Variants in WWOX observed in about 807,000 individuals in gnomAD.
WWOX encodes the protein WW domain-containing oxidoreductase.
In WWOX, 69 loss-of-function variants were observed where a neutral mutation model predicts 46.2. That is an observed-to-expected ratio of 1.49 (90% confidence interval 1.23 to 1.82). WWOX has a LOEUF of 1.82. Among genes scored for constraint, WWOX ranks in the 40% most tolerant of loss-of-function variants. The pLI is 0.00. For missense variants in WWOX, 919 were observed against 542.6 expected, an observed-to-expected ratio of 1.69 and a Z score of -6.89; for synonymous variants, 359 against 202.6, an observed-to-expected ratio of 1.77 and a Z score of -6.56.
chr16:79,192,091 G>A (rs943364001), intron 8 of WWOX, among the ~76,000 whole-genome samples: 6 of 152,178 alleles, frequency 3.9e-5, no homozygotes, highest in Admixed American at 2.6e-4. Flanking sequence ...TAGTCATAGG[G>A]TATTTCCAGA....
chr16:78,101,146 C>T (rs2031751626), intron 1 of WWOX, among the ~76,000 whole-genome samples: 1 of 151,222 alleles, frequency 6.6e-6, no homozygotes, highest in Non-Finnish European at 1.5e-5. Context: ...CTCCCGGGTT[C>T]ACGCCATTCT....
intron 8 of WWOX, among the ~76,000 whole-genome samples, chr16:79,144,566 A>T (rs770625538): frequency 3.3e-5 from 5 of 152,178 alleles, no homozygotes; most frequent in African/African-American, 1.2e-4. Context: ...GCACTAAGCT[A>T]TTGAATTTTG....
At chr16:78,406,310 ATATATATATATATATATAT>A (rs2082535806) in intron 6 of WWOX, among the ~76,000 whole-genome samples, 29 of 33,454 alleles carry the variant, frequency 8.7e-4, no homozygotes, top group African/African-American at 5.5e-3. Context: ...ATAAATATAT[ATATATATATATATATATAT>A]ATATATATAT....
At chr16:78,802,354 G>C (rs1308193318) in intron 8 of WWOX, among the ~76,000 whole-genome samples, 1 of 151,998 alleles carries the variant, frequency 6.6e-6, no homozygotes, top group African/African-American at 2.4e-5. Flanking sequence ...CAGAGAGAAA[G>C]AGGGTAGGTC....
chr16:78,518,056 C>T (rs16947895), intron 8 of WWOX, among the ~76,000 whole-genome samples: 7,246 of 151,822 alleles, frequency 0.048, 584 homozygotes, highest in African/African-American at 0.16. Context: ...TAATTAGATG[C>T]TTGGAGCTTC....
intron 8 of WWOX, among the ~76,000 whole-genome samples, chr16:78,587,479 G>C (rs113665556): frequency 6.6e-6 from 1 of 152,046 alleles, no homozygotes; most frequent in South Asian, 2.1e-4. Flanking sequence ...GATTCCAAAC[G>C]TGCATGAATC....
intron 8 of WWOX, among the ~76,000 whole-genome samples, chr16:78,448,653 A>T (rs2083615907): frequency 6.6e-6 from 1 of 152,168 alleles, no homozygotes; most frequent in African/African-American, 2.4e-5. Flanking sequence ...CTTCTCCACT[A>T]ATGAGGGGTG....
In WWOX at chr16:78,255,429, C is replaced by T. The variant is rs118049330; in HGVS notation, c.516+91140C>T. Among the ~76,000 whole-genome samples the T allele has an allele frequency of 2.8e-3, 419 of 152,314 alleles. 10 individuals are homozygous for T. In the East Asian group the frequency reaches 0.054, roughly 20 times the overall value. On this transcript the variant is annotated intron_variant, in intron 5 of 8. Coordinates refer to ENST00000566780, the MANE Select transcript of WWOX (RefSeq NM_016373.4). The stretch of plus-strand genomic sequence containing the variant: ...ATGTAAATTCCGCTGGATAAATTAG[C>T]GTTTGCGGTTACTTCTCTCTTTGTT...
At chr16:78,282,986 G>C (rs12927416) in intron 5 of WWOX, among the ~76,000 whole-genome samples, 34,880 of 151,462 alleles carry the variant, frequency 0.23, 4,261 homozygotes, top group East Asian at 0.45. Flanking sequence ...AGGGTGAATT[G>C]TACAGCAGAG....
intron 8 of WWOX, among the ~76,000 whole-genome samples, chr16:78,442,286 A>C (rs1459993599): frequency 2.0e-5 from 3 of 152,182 alleles, no homozygotes; most frequent in African/African-American, 7.2e-5. Context: ...AAGAACATTG[A>C]AAGTCTAGTC....
chr16:78,961,255 A>G (rs2046265424), intron 8 of WWOX, among the ~76,000 whole-genome samples: 1 of 152,200 alleles, frequency 6.6e-6, no homozygotes, highest in African/African-American at 2.4e-5. Flanking sequence ...AATTACTGTA[A>G]GGTTTTTAAA....
At chr16:79,018,414 A>T (rs1409186143) in intron 8 of WWOX, among the ~76,000 whole-genome samples, 3 of 152,194 alleles carry the variant, frequency 2.0e-5, no homozygotes, top group Non-Finnish European at 4.4e-5. Context: ...GTGAGCAATC[A>T]GATACTTTAT....
chr16:78,733,966 G>C (rs910957480), intron 8 of WWOX, among the ~76,000 whole-genome samples: 1 of 150,164 alleles, frequency 6.7e-6, no homozygotes, highest in African/African-American at 2.4e-5. Context: ...AGGCTGAGGC[G>C]GGAGGATCCT....
chr16:78,321,007 T>G (rs564255638), intron 5 of WWOX, among the ~76,000 whole-genome samples: 131 of 152,282 alleles, frequency 8.6e-4, no homozygotes, highest in African/African-American at 2.8e-3. Flanking sequence ...ATTTATAATG[T>G]ACTCACACCT....
chr16:78,360,515 C>G (rs2081385986), intron 5 of WWOX, among the ~76,000 whole-genome samples: 1 of 147,202 alleles, frequency 6.8e-6, no homozygotes, highest in South Asian at 2.1e-4. Flanking sequence ...AAGCTGGGAG[C>G]TGGAGGCTGC....
chr16:79,195,005 G>T (rs1385017925), intron 8 of WWOX, among the ~76,000 whole-genome samples: 1 of 152,158 alleles, frequency 6.6e-6, no homozygotes, highest in Non-Finnish European at 1.5e-5. Context: ...GTCTTCTGCT[G>T]AGTATGGATT....
chr16:78,256,068 C>G (rs969817294), intron 5 of WWOX, among the ~76,000 whole-genome samples: 2 of 147,796 alleles, frequency 1.4e-5, no homozygotes, highest in African/African-American at 2.5e-5. Flanking sequence ...GAGAATCACT[C>G]GAACCCGGGA....
intron 8 of WWOX, among the ~76,000 whole-genome samples, chr16:79,073,392 C>G (rs531687544): frequency 1.4e-4 from 22 of 152,132 alleles, no homozygotes; most frequent in African/African-American, 4.8e-4. Flanking sequence ...GTTGGCCAGG[C>G]TGGTCTCAAA....
At chr16:79,164,059 G>A (rs557451343) in intron 8 of WWOX, among the ~76,000 whole-genome samples, 6 of 152,270 alleles carry the variant, frequency 3.9e-5, no homozygotes, top group East Asian at 1.9e-4. Context: ...AGGCGTGATC[G>A]CGTTCACCCA....
Sources: allele counts gnomAD v4.1 joint callset (sites outside exome capture counted in the v4.1 genomes callset), GRCh38; gene constraint gnomAD v4.1.1; transcripts MANE v1.5; gene names NCBI Gene and HGNC (gene_info 2026-07-23, HGNC 2026-07-21).